The following PSD3 variants were observed in gnomAD, a reference collection of about 807,000 sequenced individuals.
PSD3 encodes the protein pleckstrin and Sec7 domain containing 3.
PSD3 carries 49 observed loss-of-function variants against 105.5 expected under a neutral mutation model. That is an observed-to-expected ratio of 0.46 (90% CI 0.37 to 0.59). PSD3 has a LOEUF of 0.59. PSD3 is among the 20% of genes least tolerant of loss of function. The pLI, the probability that PSD3 is intolerant of heterozygous loss-of-function variation, is 0.00. For synonymous variants in PSD3, 557 were observed against 457.8 expected, an observed-to-expected ratio of 1.22 and a Z score of -2.77; for missense variants, 1,561 against 1,263.8, an observed-to-expected ratio of 1.24 and a Z score of -3.57.
chr8:18,636,051 A>G (rs1807227605), intron 10 of PSD3, among the ~76,000 whole-genome samples: 1 of 152,164 alleles, frequency 6.6e-6, no homozygotes, highest in African/African-American at 2.4e-5. Flanking sequence ...CAGAACTTAA[A>G]GTAAAATAAA....
Position 18,867,801 on chromosome 8 carries a change from C to A in PSD3, c.1507G>T (p.Asp503Tyr), listed in dbSNP as rs772854463. The A allele has an allele frequency of 2.2e-5, 35 of 1,614,078 alleles. No homozygotes were observed. Among genetic ancestry groups the A allele is most frequent in the Non-Finnish European group, 3.0e-5 (35 of 1,179,994 alleles). The change falls in exon 4 of 16, where the codon GAT becomes TAT. Residue 503 changes from aspartate (D) to tyrosine (Y), a missense_variant. Asp to Tyr is a radical substitution (Grantham distance 160). Transcript: ENST00000327040. ...CCATCTGCAGACACACTCAGGATAT[C>A]CTGATGTCCTCCCCCTGATGTCCTC... Reference protein sequence around the residue: ...LERTSGGGHQDILSVSADGGI... With the variant: ...LERTSGGGHQYILSVSADGGI...
intron 2 of PSD3, among the ~76,000 whole-genome samples, chr8:18,932,831 A>G (rs7839913): frequency 0.5 from 76,232 of 151,994 alleles, 20,767 homozygotes; most frequent in African/African-American, 0.71. Flanking sequence ...TCCTGCTCAT[A>G]CCATTTCTGC....
chr8:18,845,766 A>T (rs1815038793), intron 4 of PSD3, among the ~76,000 whole-genome samples: 1 of 152,086 alleles, frequency 6.6e-6, no homozygotes, highest in African/African-American at 2.4e-5. Flanking sequence ...GCAAGACCCC[A>T]CCTCTACAAA....
At chr8:18,539,062 A>G (rs901409871) in intron 15 of PSD3, among the ~76,000 whole-genome samples, 6 of 152,232 alleles carry the variant, frequency 3.9e-5, no homozygotes, top group African/African-American at 1.4e-4. Context: ...GTAGCTTTGC[A>G]TTTTACCAGT....
At chr8:18,644,137 T>A (rs11996974) in intron 10 of PSD3, among the ~76,000 whole-genome samples, 1 of 152,202 alleles carries the variant, frequency 6.6e-6, no homozygotes, top group African/African-American at 2.4e-5. Flanking sequence ...CCCATTGTCT[T>A]GATCTCTTGT....
intron 1 of PSD3, among the ~76,000 whole-genome samples, chr8:18,956,859 G>C (rs560685350): frequency 6.6e-6 from 1 of 152,086 alleles, no homozygotes; most frequent in African/African-American, 2.4e-5. Context: ...CATCAGCTGA[G>C]GCCACACCCC....
At chr8:18,613,541 G>A (rs889448436) in intron 11 of PSD3, among the ~76,000 whole-genome samples, 6 of 151,872 alleles carry the variant, frequency 4.0e-5, no homozygotes, top group Admixed American at 1.3e-4. Flanking sequence ...CAAGAACCCC[G>A]TTTTTTTTCC....
intron 1 of PSD3, among the ~76,000 whole-genome samples, chr8:18,964,076 G>A (rs757703199): frequency 3.9e-5 from 6 of 152,164 alleles, no homozygotes; most frequent in Non-Finnish European, 7.4e-5. Context: ...TAAAGTAAGA[G>A]TTACAAGAAA....
intron 9 of PSD3, among the ~76,000 whole-genome samples, chr8:18,729,397 A>G (rs1803566514): frequency 6.6e-6 from 1 of 152,188 alleles, no homozygotes; most frequent in African/African-American, 2.4e-5. Flanking sequence ...ACTCAATACC[A>G]AGTTCAAGTC....
At chr8:18,704,724 C>CT (rs1280291241) in intron 9 of PSD3, among the ~76,000 whole-genome samples, 1 of 152,126 alleles carries the variant, frequency 6.6e-6, no homozygotes, top group Non-Finnish European at 1.5e-5. Context: ...TTGCTTTGTT[C>CT]TTTTCATTCT....
chr8:18,927,709 C>A (rs576308615), intron 2 of PSD3, among the ~76,000 whole-genome samples: 4 of 152,156 alleles, frequency 2.6e-5, no homozygotes, highest in Non-Finnish European at 4.4e-5. Context: ...CCTCCAATCC[C>A]GCTGTGTCCT....
At chr8:18,773,712 A>G (rs538943305) in intron 8 of PSD3, among the ~76,000 whole-genome samples, 2 of 152,226 alleles carry the variant, frequency 1.3e-5, no homozygotes, top group South Asian at 2.1e-4. Context: ...CTCTTTTTCT[A>G]TATTTTGACT....
At chr8:18,823,082 G>T (rs1052863885) in intron 4 of PSD3, among the ~76,000 whole-genome samples, 1 of 127,556 alleles carries the variant, frequency 7.8e-6, no homozygotes, top group Non-Finnish European at 1.6e-5. Context: ...GAGGAAAAGG[G>T]AGAATGGAGA....
At chr8:18,594,160 T>TTATATACATATTATATAATATATATTAC (rs1803839557) in intron 12 of PSD3, among the ~76,000 whole-genome samples, 1 of 61,180 alleles carries the variant, frequency 1.6e-5, no homozygotes, top group Admixed American at 2.8e-4. Context: ...ATATATATTA[T>TTATATACATATTATATAATATATATTAC]TATATACATA....
In PSD3 at chr8:18,654,307, C is replaced by T. The variant is rs564696941; in HGVS notation, c.2216+1335G>A. Among the ~76,000 whole-genome samples the T allele has an allele frequency of 3.3e-5, 5 of 152,272 alleles. No homozygotes were observed. The East Asian group carries it at 9.7e-4, about 29-fold the overall frequency. ...AGTCAACTATTAACCCATGTTCCTC[C>T]AACGTGCAGATAACATAACAAGTTT... On this transcript the variant is annotated intron_variant, in intron 10 of 15. Coordinates refer to ENST00000327040, the MANE Select transcript of PSD3 (RefSeq NM_015310.4).
chr8:18,957,839 G>T (rs1448308529), intron 1 of PSD3, among the ~76,000 whole-genome samples: 1 of 152,182 alleles, frequency 6.6e-6, no homozygotes, highest in Non-Finnish European at 1.5e-5. Context: ...GGTGCAGCTA[G>T]CATGACTGAG....
At chr8:18,996,950 G>T (rs115852929) in intron 1 of PSD3, among the ~76,000 whole-genome samples, 2,207 of 151,834 alleles carry the variant, frequency 0.015, 91 homozygotes, top group African/African-American at 0.051. Flanking sequence ...GACTCATCTT[G>T]CTTGAAGTGG....
intron 1 of PSD3, among the ~76,000 whole-genome samples, chr8:18,981,939 A>G (rs948568173): frequency 1.3e-5 from 2 of 152,198 alleles, no homozygotes; most frequent in African/African-American, 4.8e-5. Context: ...AAATAAGACA[A>G]AAATGAAGTT....
intron 1 of PSD3, among the ~76,000 whole-genome samples, chr8:19,034,345 G>A (rs923034195): frequency 2.6e-5 from 4 of 152,118 alleles, no homozygotes; most frequent in Non-Finnish European, 5.9e-5. Context: ...CCTTCCTTCT[G>A]CAAAATTCAT....
Sources: gnomAD v4.1 joint callset for allele counts (sites outside exome capture counted in the v4.1 genomes callset) on GRCh38, gnomAD v4.1.1 for gene constraint, MANE v1.5 for transcripts, NCBI Gene and HGNC (gene_info 2026-07-23, HGNC 2026-07-21) for gene names.